INSL6: variants seen among roughly 807,000 people sequenced by gnomAD.
INSL6 encodes insulin like 6.
INSL6 carries 16 observed loss-of-function variants against 9.4 expected under a neutral mutation model. The observed-to-expected ratio is 1.70, with a 90% CI of 1.15 to 2.59. The LOEUF is 2.59. Among genes scored for constraint, INSL6 ranks in the 30% most tolerant of loss-of-function variants. The pLI, the probability that INSL6 is intolerant of heterozygous loss-of-function variation, is 0.00. For synonymous variants in INSL6, 154 were observed against 96.9 expected (o/e 1.59, Z -3.46); for missense variants, 391 against 257.3 (o/e 1.52, Z -3.56).
intron 1 of INSL6, among the ~76,000 whole-genome samples, chr9:5,165,634 A>G (rs970079772): frequency 6.6e-6 from 1 of 152,190 alleles, no homozygotes; most frequent in African/African-American, 2.4e-5. Context: ...TGCACATCTT[A>G]CAACTGAGCA....
At chr9:5,081,617 T>C in the INSL6 span, 41 of 694,714 alleles carry the variant, frequency 5.9e-5, no homozygotes, top group African/African-American at 6.3e-4. Flanking sequence ...CCCTGTATCA[T>C]TTAGTATTTT....
chr9:5,011,110 G>A, the INSL6 span, among the ~76,000 whole-genome samples: 1 of 152,092 alleles, frequency 6.6e-6, no homozygotes, highest in African/African-American at 2.4e-5. Context: ...TGTATAGATT[G>A]GATTCAGATG....
At chr9:5,132,215 T>G (rs1016068271) in intron 3 of INSL6, 4 of 152,164 alleles carry the variant, frequency 2.6e-5, no homozygotes, top group Admixed American at 6.5e-5. Flanking sequence ...AGGAAGAAAA[T>G]TCTAAAAATT....
At chr9:5,079,780 T>C in the INSL6 span, among the ~76,000 whole-genome samples, 23 of 151,996 alleles carry the variant, frequency 1.5e-4, no homozygotes, top group Non-Finnish European at 2.5e-4. Flanking sequence ...AATCGTGCCA[T>C]TGCACTCTAG....
the INSL6 span, chr9:5,041,704 A>C: frequency 2.0e-6 from 1 of 504,960 alleles, no homozygotes. Flanking sequence ...TTCGTGTTCG[A>C]CTCTGAGTAC....
chr9:5,087,501 C>CCTAT, the INSL6 span, among the ~76,000 whole-genome samples: 16,633 of 111,142 alleles, frequency 0.15, 2,777 homozygotes, highest in African/African-American at 0.46. Flanking sequence ...CTTTCCTGGT[C>CCTAT]CTATCTCAAA....
the INSL6 span, chr9:5,022,007 C>G: frequency 1.2e-6 from 2 of 1,613,694 alleles, no homozygotes; most frequent in Non-Finnish European, 1.7e-6. Context: ...GCCTGCCTTA[C>G]GATGACAGAA....
intron 3 of INSL6, chr9:5,126,230 A>G: frequency 1.4e-6 from 1 of 698,206 alleles, no homozygotes; most frequent in Admixed American, 2.8e-5. Flanking sequence ...AACATACAAA[A>G]GCACACATAT....
the INSL6 span, chr9:5,086,196 G>GCCCCCGCCA: frequency 3.6e-6 from 2 of 550,566 alleles, no homozygotes; most frequent in Non-Finnish European, 4.8e-6. Flanking sequence ...CAGCCGCGCC[G>GCCCCCGCCA]CCCCCGCCAC....
chr9:5,067,217 A>T, the INSL6 span, among the ~76,000 whole-genome samples: 2 of 150,498 alleles, frequency 1.3e-5, no homozygotes, highest in Non-Finnish European at 2.9e-5. Context: ...TAGGTCAATA[A>T]CAAACAAATA....
intron 1 of INSL6, among the ~76,000 whole-genome samples, chr9:5,166,473 A>C (rs1274556240): frequency 2.6e-5 from 4 of 152,190 alleles, no homozygotes; most frequent in Non-Finnish European, 5.9e-5. Context: ...AAAAGATGGA[A>C]ATGAACAAAA....
chr9:5,180,595 C>A (rs541554144), intron 1 of INSL6, among the ~76,000 whole-genome samples: 1 of 152,204 alleles, frequency 6.6e-6, no homozygotes, highest in Non-Finnish European at 1.5e-5. Flanking sequence ...GACTGATATA[C>A]GCCCTGGTCT....
At chr9:5,080,390 T>C in the INSL6 span, 1 of 1,602,152 alleles carries the variant, frequency 6.2e-7, no homozygotes, top group Non-Finnish European at 8.5e-7. Context: ...AGTAAGTTTA[T>C]ATAGACTAAG....
At chr9:5,142,055 A>G (rs999625271) in intron 2 of INSL6, among the ~76,000 whole-genome samples, 1 of 152,070 alleles carries the variant, frequency 6.6e-6, no homozygotes, top group African/African-American at 2.4e-5. Context: ...TGTGTTCTCT[A>G]TTCTGTTCCA....
the INSL6 span, among the ~76,000 whole-genome samples, chr9:5,025,327 C>T: frequency 2.6e-5 from 4 of 152,080 alleles, no homozygotes; most frequent in Admixed American, 6.5e-5. Context: ...TTTCTCTGTT[C>T]GCTCTTGGTC....
the INSL6 span, among the ~76,000 whole-genome samples, chr9:5,040,035 C>G: frequency 6.6e-6 from 1 of 152,088 alleles, no homozygotes; most frequent in African/African-American, 2.4e-5. Flanking sequence ...AGTTTGAAGA[C>G]TTATACTTCC....
chr9:5,082,264 G>A, the INSL6 span, among the ~76,000 whole-genome samples: 906 of 152,348 alleles, frequency 5.9e-3, 2 homozygotes, highest in Non-Finnish European at 0.01. Context: ...AGAGCAGGGT[G>A]ATAGTGGGGA....
chr9:5,066,765 A>G, the INSL6 span: 11 of 1,560,194 alleles, frequency 7.1e-6, no homozygotes, highest in South Asian at 1.2e-5. Flanking sequence ...ACTTTAATAA[A>G]TATTTTTTGA....
chr9:5,164,260 T>C lies in INSL6; in HGVS notation c.295A>G (p.Thr99Ala), dbSNP rs147189972. ...CTGTTTACTGCTTCTTCCCAAGAAG[T>C]AGACACTGTTGAGAGAGAAGAAAAT... The part of the protein sequence containing the change: ...ARGRGTNPVS[T>A]SWEEAVNSWE... Residue 99 changes from threonine to alanine, a missense_variant, in exon 2 of 2, where the codon ACT (threonine) becomes GCT (alanine). Transcript: ENST00000381641. The C allele has an allele frequency of 6.7e-5, 106 of 1,591,248 alleles. No individual in the cohort carries two copies. In the African/African-American group the frequency reaches 1.2e-3, roughly 18 times the overall value.
Sources: gnomAD v4.1 joint callset for allele counts (sites outside exome capture counted in the v4.1 genomes callset) on GRCh38, gnomAD v4.1.1 for gene constraint, MANE v1.5 for transcripts, NCBI Gene and HGNC (gene_info 2026-07-23, HGNC 2026-07-21) for gene names.